The following GXYLT2 variants were observed in gnomAD, a reference collection of about 807,000 sequenced individuals.
The protein encoded by GXYLT2 is glucoside xylosyltransferase 2.
GXYLT2 carries 53 observed loss-of-function variants against 45.8 expected under a neutral mutation model. That is an observed-to-expected ratio of 1.16 (90% CI 0.93 to 1.46). The LOEUF is 1.46. GXYLT2 is among the 40% of genes most tolerant of loss of function. The probability of loss-of-function intolerance (pLI) is 0.00; values close to 1 mark genes in which losing one functional copy is unlikely to be tolerated. For synonymous variants in GXYLT2, 219 were observed against 214.2 expected (o/e 1.02, Z -0.19); for missense variants, 551 against 544.4 (o/e 1.01, Z -0.12).
intron 3 of GXYLT2, among the ~76,000 whole-genome samples, chr3:72,943,534 G>A (rs756672156): frequency 1.3e-5 from 2 of 150,474 alleles, no homozygotes; most frequent in Non-Finnish European, 3.0e-5. Context: ...GCCCCACCAC[G>A]CCTGGCTAAC....
chr3:72,907,224 A>G (rs1248280134), intron 1 of GXYLT2, among the ~76,000 whole-genome samples: 1 of 152,258 alleles, frequency 6.6e-6, no homozygotes, highest in Non-Finnish European at 1.5e-5. Flanking sequence ...TAGCTGAGCC[A>G]TGAGGCTGTG....
At chr3:72,898,750 A>G (rs1170356260) in intron 1 of GXYLT2, among the ~76,000 whole-genome samples, 1 of 149,220 alleles carries the variant, frequency 6.7e-6, no homozygotes, top group Non-Finnish European at 1.5e-5. Context: ...TTTTTTTTTC[A>G]GATGGAGTTT....
At chr3:72,902,200 A>G (rs1247581278) in intron 1 of GXYLT2, among the ~76,000 whole-genome samples, 1 of 152,188 alleles carries the variant, frequency 6.6e-6, no homozygotes, top group African/African-American at 2.4e-5. Context: ...GTATATAACT[A>G]GAAAAGGAAC....
At chr3:72,890,295 A>T (rs950805400) in intron 1 of GXYLT2, among the ~76,000 whole-genome samples, 3 of 152,206 alleles carry the variant, frequency 2.0e-5, no homozygotes, top group African/African-American at 7.2e-5. Context: ...CTTGTTAGAA[A>T]TGCAGATTCC....
intron 3 of GXYLT2, among the ~76,000 whole-genome samples, chr3:72,935,218 A>G (rs1260484260): frequency 1.3e-5 from 2 of 152,224 alleles, no homozygotes; most frequent in African/African-American, 4.8e-5. Flanking sequence ...CAAGAATGGA[A>G]TATTTAGAGG....
intron 3 of GXYLT2, among the ~76,000 whole-genome samples, chr3:72,946,523 C>T (rs1048592027): frequency 2.6e-5 from 4 of 152,074 alleles, no homozygotes. Context: ...GATAAAGGCA[C>T]CAAAAGATTG....
chr3:72,937,038 A>G lies in GXYLT2; in HGVS notation c.600+14703A>G, dbSNP rs148294217. ...AATAGTAGAGAATATGGTGGAGGAC[A>G]TAGAGGAAGGACCATTTTTACTTCT... On this transcript the variant is annotated intron_variant, in intron 3 of 6. Coordinates refer to ENST00000389617, the MANE Select transcript of GXYLT2 (RefSeq NM_001080393.2). Among the ~76,000 whole-genome samples, 160 of 152,328 alleles carry G rather than the reference A, an allele frequency of 1.1e-3. 1 individual carries two copies. The highest frequency in any genetic ancestry group is 2.1e-3 in the Non-Finnish European group (144 of 68,034).
chr3:72,905,245 G>A (rs1169779694), intron 1 of GXYLT2, among the ~76,000 whole-genome samples: 1 of 152,054 alleles, frequency 6.6e-6, no homozygotes, highest in Non-Finnish European at 1.5e-5. Context: ...AGCCTCCCAA[G>A]TAGCTGGGAT....
chr3:72,908,368 A>G lies in GXYLT2; in HGVS notation c.277A>G (p.Arg93Gly), dbSNP rs754165153. The G allele has an allele frequency of 6.3e-7, 1 of 1,579,222 alleles. No individual in the cohort carries two copies. The highest frequency in any genetic ancestry group is 2.2e-5 in the East Asian group (1 of 44,612). ...GAARLEKLAR[R>G]PGEPRSFQAV... ...TTCACTTGTTTTCCCTCTTTCTAGG[A>G]GGCCTGGAGAACCCAGGAGTTTCCA... is the stretch of plus-strand genomic sequence containing the variant. The change falls in exon 2 of 7, where the codon AGG (arginine) becomes GGG (glycine). Residue 93 changes from arginine (R) to glycine (G), a missense_variant and splice_region_variant. Coordinates refer to ENST00000389617, the MANE Select transcript of GXYLT2 (RefSeq NM_001080393.2).
intron 1 of GXYLT2, among the ~76,000 whole-genome samples, chr3:72,906,335 C>T (rs899791612): frequency 2.0e-5 from 3 of 152,096 alleles, no homozygotes; most frequent in East Asian, 3.9e-4. Context: ...GCACATGGCT[C>T]GCTACCTCCC....
At position 72,888,397 on chromosome 3, in the gene GXYLT2, C is replaced by G. The variant is rs1462412316; in HGVS notation, c.164C>G (p.Pro55Arg). Reference protein sequence around the residue: ...RHPAPVPARWPGPGALPGASP... With the variant: ...RHPAPVPARWRGPGALPGASP... ...CCCGCGCCTGTCCCCGCGCGCTGGC[C>G]GGGGCCGGGCGCCCTCCCCGGGGCC... Residue 55 changes from proline (P) to arginine (R), a missense_variant, in exon 1 of 7, where the codon CCG becomes CGG. Coordinates refer to ENST00000389617, the MANE Select transcript of GXYLT2 (RefSeq NM_001080393.2). 43 of 999,722 alleles carry G rather than the reference C, an allele frequency of 4.3e-5. No individual in the cohort carries two copies. Among genetic ancestry groups the G allele is most frequent in the Non-Finnish European group, 5.1e-5 (43 of 841,304 alleles). The allele number at this position is 999,722 out of a possible 1,614,324, so 61.9% of individuals were successfully genotyped here. A position where few individuals can be genotyped will look rare whatever the true frequency, so the allele number is the denominator to read the frequency against.
chr3:72,914,147 T>A (rs1433281597), intron 2 of GXYLT2, among the ~76,000 whole-genome samples: 1 of 152,124 alleles, frequency 6.6e-6, no homozygotes, highest in Non-Finnish European at 1.5e-5. Context: ...CAAAACAAAA[T>A]GCCAGTACCG....
At chr3:72,968,057 T>C (rs946743261) in intron 6 of GXYLT2, among the ~76,000 whole-genome samples, 1 of 152,300 alleles carries the variant, frequency 6.6e-6, no homozygotes, top group Non-Finnish European at 1.5e-5. Flanking sequence ...TACTGCAACC[T>C]CCACCTCCTG....
At chr3:72,940,106 C>T (rs1228085215) in intron 3 of GXYLT2, among the ~76,000 whole-genome samples, 3 of 152,226 alleles carry the variant, frequency 2.0e-5, no homozygotes. Context: ...TGCAATGAGC[C>T]ATGATTGTGT....
chr3:72,929,740 A>T, intron 3 of GXYLT2: 1 of 566,494 alleles, frequency 1.8e-6, no homozygotes, highest in Non-Finnish European at 3.2e-6. Context: ...ATGCAAAATA[A>T]AGCAGAAAAG....
At chr3:72,969,916 A>AAAAC (rs1344127079) in intron 6 of GXYLT2, among the ~76,000 whole-genome samples, 3 of 149,610 alleles carry the variant, frequency 2.0e-5, no homozygotes, top group African/African-American at 4.9e-5. Flanking sequence ...TTTGAAAAAA[A>AAAAC]AAAAACAAAA....
chr3:72,918,359 T>C (rs1709774880), intron 2 of GXYLT2, among the ~76,000 whole-genome samples: 1 of 152,250 alleles, frequency 6.6e-6, no homozygotes, highest in African/African-American at 2.4e-5. Flanking sequence ...GTTATATAGA[T>C]AGACTCTGGA....
chr3:72,923,967 G>T (rs1164072054), intron 3 of GXYLT2, among the ~76,000 whole-genome samples: 1 of 152,026 alleles, frequency 6.6e-6, no homozygotes, highest in African/African-American at 2.4e-5. Flanking sequence ...TGAAGGAGAA[G>T]TAAGGGTTAC....
At chr3:72,934,027 A>G (rs906687770) in intron 3 of GXYLT2, among the ~76,000 whole-genome samples, 1 of 151,308 alleles carries the variant, frequency 6.6e-6, no homozygotes, top group Non-Finnish European at 1.5e-5. Context: ...TTGTATTTGT[A>G]TTCATTCTTT....
Sources: gnomAD v4.1 joint callset for allele counts (sites outside exome capture counted in the v4.1 genomes callset) on GRCh38, gnomAD v4.1.1 for gene constraint, MANE v1.5 for transcripts, NCBI Gene and HGNC (gene_info 2026-07-23, HGNC 2026-07-21) for gene names.